Variants in HSF1 observed in about 807,000 individuals in gnomAD.
The protein encoded by HSF1 is heat shock transcription factor 1.
In HSF1, 32 loss-of-function variants were observed where a neutral mutation model predicts 51.7. The ratio of observed to expected loss-of-function variants is 0.62; its 90% confidence interval spans 0.47 to 0.83. The LOEUF is 0.83. Ranked by LOEUF, HSF1 falls within the 40% of genes least tolerant of loss-of-function variation. The pLI, the probability that HSF1 is intolerant of heterozygous loss-of-function variation, is 0.00. For synonymous variants in HSF1, 396 were observed against 309.7 expected (o/e 1.28, Z -2.92); for missense variants, 727 against 717.0 (o/e 1.01, Z -0.16).
In HSF1 at chr8:144,314,362, C is replaced by T. The variant is rs1028797609; in HGVS notation, c.*32C>T. ...CGGAGGAGCTGGGCCAGCCGCCCAC[C>T]CCCACCCCCAGTGCAGGGCTGGTCT... On this transcript the variant is annotated 3_prime_UTR_variant, in exon 13 of 13. Coordinates refer to ENST00000528838, the MANE Select transcript of HSF1 (RefSeq NM_005526.4). The T allele has an allele frequency of 7.2e-6, 11 of 1,525,238 alleles. No homozygotes were observed. The South Asian group carries it at 9.6e-5, about 13-fold the overall frequency. The allele number at this position is 1,525,238 out of a possible 1,614,324, so 94.5% of individuals were successfully genotyped here.
intron 1 of HSF1, among the ~76,000 whole-genome samples, chr8:144,296,924 T>G (rs1588626916): frequency 9.9e-6 from 1 of 100,676 alleles, no homozygotes; most frequent in African/African-American, 3.6e-5. Context: ...CCGGATGGTG[T>G]GGTGGGGGGG....
Position 144,291,830 on chromosome 8 carries a change from C to T in HSF1, c.73C>T (p.Leu25Phe). The change falls in exon 1 of 13, where the codon CTC (leucine) becomes TTC (phenylalanine). Residue 25 changes from leucine (L) to phenylalanine (F), a missense_variant. By Grantham distance (22) the Leu-to-Phe change is conservative (BLOSUM62 0). Coordinates refer to ENST00000528838, the MANE Select transcript of HSF1 (RefSeq NM_005526.4). This position sits in a 1 kb window ranked among gnomAD's most constrained non-coding sequence, Gnocchi z 4.1. Reference sequence around the variant, plus strand: ...GGCCTTCCTGACCAAGCTGTGGACCCTCGTGAGCGACCCGGACACCGACGC... The same window carrying T: ...GGCCTTCCTGACCAAGCTGTGGACCTTCGTGAGCGACCCGGACACCGACGC... ...VPAFLTKLWTLVSDPDTDALI... is the reference protein window; with the variant it reads ...VPAFLTKLWTFVSDPDTDALI... 6.4e-7 allele frequency: 1 copy of T among 1,556,752 alleles called. No homozygotes were observed. Among genetic ancestry groups the T allele is most frequent in the Non-Finnish European group, 8.6e-7 (1 of 1,156,408 alleles).
At position 144,311,783 on chromosome 8, in the gene HSF1, C is replaced by T. The variant is rs1554844651; in HGVS notation, c.807C>T (p.Thr269=). 5.0e-6 allele frequency: 8 copies of T among 1,612,440 alleles called. No individual in the cohort carries two copies. The highest frequency in any genetic ancestry group is 3.3e-5 in the Admixed American group (2 of 59,970). Residue 269 remains threonine, a synonymous_variant, in exon 8 of 13, where the codon ACC becomes ACT. Transcript: ENST00000528838. The part of the protein sequence containing the change: ...ASSGPIISDI[T]ELAPASPMAS... Reference sequence around the variant, plus strand: ...CTGGACCCATCATCTCCGACATCACCGAGCTGGCTCCTGCCAGCCCCATGG... The same window carrying T: ...CTGGACCCATCATCTCCGACATCACTGAGCTGGCTCCTGCCAGCCCCATGG...
intron 1 of HSF1, among the ~76,000 whole-genome samples, chr8:144,305,063 T>G (rs1816124879): frequency 6.6e-6 from 1 of 151,300 alleles, no homozygotes; most frequent in African/African-American, 2.4e-5. Flanking sequence ...TTCTCCTGCC[T>G]CAGCCTCCCG....
At chr8:144,300,444 C>G (rs1404411308) in intron 1 of HSF1, among the ~76,000 whole-genome samples, 1 of 152,066 alleles carries the variant, frequency 6.6e-6, no homozygotes, top group Non-Finnish European at 1.5e-5. Flanking sequence ...GTCTCAATCT[C>G]CTGACCTCGT....
intron 1 of HSF1, among the ~76,000 whole-genome samples, chr8:144,300,500 C>T (rs1441118082): frequency 3.9e-5 from 6 of 152,128 alleles, no homozygotes; most frequent in Non-Finnish European, 8.8e-5. Context: ...CGTCAGCCAC[C>T]GCGCCCGGCC....
chr8:144,296,362 G>A (rs1815457192), intron 1 of HSF1, among the ~76,000 whole-genome samples: 2 of 152,186 alleles, frequency 1.3e-5, no homozygotes, highest in African/African-American at 4.8e-5. Flanking sequence ...GACCCAGCAG[G>A]CCCACTGGCC....
intron 1 of HSF1, among the ~76,000 whole-genome samples, chr8:144,305,555 C>T (rs1816152422): frequency 6.6e-6 from 1 of 152,110 alleles, no homozygotes; most frequent in South Asian, 2.1e-4. Context: ...ACCACCTTGG[C>T]CTCCCAAAGT....
At position 144,311,673 on chromosome 8, in the gene HSF1, G is replaced by C. The variant is rs782707493; in HGVS notation, c.724-27G>C. 148 of 1,610,222 alleles carry C rather than the reference G, an allele frequency of 9.2e-5. 4 individuals are homozygous for C. In the South Asian group the frequency reaches 1.2e-3, roughly 14 times the overall value. On this transcript the variant is annotated intron_variant, in intron 7 of 12. Coordinates refer to ENST00000528838, the MANE Select transcript of HSF1 (RefSeq NM_005526.4). Reference sequence around the variant, plus strand: ...GGGGTGGGTTGCCCCTGCCGGCACTGCATGGACCTCCTGCCTTTGATTGCA... The same window carrying C: ...GGGGTGGGTTGCCCCTGCCGGCACTCCATGGACCTCCTGCCTTTGATTGCA...
chr8:144,312,517 G>A, intron 9 of HSF1: 1 of 1,004,484 alleles, frequency 1.0e-6, no homozygotes, highest in Non-Finnish European at 1.5e-6. Flanking sequence ...CAGGCCACGG[G>A]CCCTGGCAGG....
rs1224638442 is a variant in HSF1, at chr8:144,309,486, G to A, written c.258G>A (p.Gln86=). The part of the protein sequence containing the change: ...YGFRKVVHIE[Q]GGLVKPERDD... ...TCCGGAAAGTGGTCCACATCGAGCAGGGCGGCCTGGTCAAGCCAGAGAGAG... is the reference window on the plus strand; with the variant it reads ...TCCGGAAAGTGGTCCACATCGAGCAAGGCGGCCTGGTCAAGCCAGAGAGAG... Residue 86 remains glutamine, a synonymous_variant, in exon 3 of 13, where the codon CAG becomes CAA. Transcript: ENST00000528838. The A allele has an allele frequency of 6.2e-7, 1 of 1,614,096 alleles. No individual in the cohort carries two copies. The highest frequency in any genetic ancestry group is 1.3e-5 in the African/African-American group (1 of 75,064).
At chr8:144,312,449 C>T (rs1056412007) in intron 9 of HSF1, among the ~76,000 whole-genome samples, 4 of 152,172 alleles carry the variant, frequency 2.6e-5, no homozygotes, top group East Asian at 3.9e-4. Context: ...CGGGCATGTC[C>T]GGACAGGCTG....
chr8:144,311,396 G>A lies in HSF1; in HGVS notation c.626+14G>A. 1.9e-6 allele frequency: 3 copies of A among 1,613,828 alleles called. No individual in the cohort carries two copies. Among genetic ancestry groups the A allele is most frequent in the Non-Finnish European group, 2.5e-6 (3 of 1,179,960 alleles). On this transcript the variant is annotated intron_variant, in intron 6 of 12. Coordinates refer to ENST00000528838, the MANE Select transcript of HSF1 (RefSeq NM_005526.4). ...GAAGAGAAAGATGTGAGGTTTTGGG[G>A]ATGCCTGCATCCACCACCCGGGGCC...
chr8:144,299,425 A>AGAC (rs1815706400), intron 1 of HSF1, among the ~76,000 whole-genome samples: 2 of 144,158 alleles, frequency 1.4e-5, no homozygotes, highest in Non-Finnish European at 3.1e-5. Context: ...CAACAGAGCA[A>AGAC]GACTCCTTCT....
chr8:144,313,625 AGCCCCGCCGCCCCGCCTCCCC>A lies in HSF1; in HGVS notation c.1248+18_1248+38del, dbSNP rs782480278. ...CCAGTGCCCTGCTGGACGTGAGTGG[AGCCCCGCCGCCCCGCCTCCCC>A]GCCCCGCCTCCCCGCCGCGCCGCCC... On this transcript the variant is annotated intron_variant, in intron 10 of 12. Transcript: ENST00000528838. 1.4e-6 allele frequency: 2 copies of A among 1,456,052 alleles called. No individual in the cohort carries two copies. The highest frequency in any genetic ancestry group is 3.4e-5 in the African/African-American group (2 of 59,618). The allele number at this position is 1,456,052 out of a possible 1,614,324, so 90.2% of individuals were successfully genotyped here. A position where few individuals can be genotyped will look rare whatever the true frequency, so the allele number is the denominator to read the frequency against.
At chr8:144,309,047 G>A (rs781810039) in intron 2 of HSF1, 33 bp downstream of exon 2, 22 of 1,501,062 alleles carry the variant, frequency 1.5e-5, no homozygotes, top group South Asian at 1.0e-4. Context: ...GCAGGGGTGC[G>A]GGAGGCAGAC....
chr8:144,314,257 T>G lies in HSF1; in HGVS notation c.1517T>G (p.Phe506Cys), dbSNP rs1554846172. Reference sequence around the variant, plus strand: ...TCCTACTTCTCCGAAGGGGACGGCTTCGCCGAGGACCCCACCATCTCCCTG... The same window carrying G: ...TCCTACTTCTCCGAAGGGGACGGCTGCGCCGAGGACCCCACCATCTCCCTG... The part of the protein sequence containing the change: ...EGSYFSEGDG[F>C]AEDPTISLLT... The change falls in exon 13 of 13, where the codon TTC becomes TGC. Residue 506 changes from phenylalanine to cysteine, a missense_variant. Phe to Cys is a radical substitution (Grantham distance 205). Transcript: ENST00000528838. 6.4e-7 allele frequency: 1 copy of G among 1,550,644 alleles called. No homozygotes were observed.
chr8:144,314,037 A>G lies in HSF1; in HGVS notation c.1367A>G (p.Asn456Ser). ...QEPPRPPEAE[N>S]SSPDSGKQLV... Reference sequence around the variant, plus strand: ...CCCCCCAGGCCTCCCGAGGCAGAGAACAGCAGCCCGGATTCAGGTGAGCCA... The same window carrying G: ...CCCCCCAGGCCTCCCGAGGCAGAGAGCAGCAGCCCGGATTCAGGTGAGCCA... Residue 456 changes from asparagine (N) to serine (S), a missense_variant, in exon 12 of 13, where the codon AAC becomes AGC. Physicochemically the swap from Asn to Ser is conservative, Grantham distance 46. This residue lies in a region of HSF1 where 470 missense variants were observed against 398.8 expected (regional missense o/e 1.18). Transcript: ENST00000528838. 1 of 1,609,970 alleles carries G rather than the reference A, an allele frequency of 6.2e-7. No individual in the cohort carries two copies. The highest frequency in any genetic ancestry group is 8.5e-7 in the Non-Finnish European group (1 of 1,179,048).
chr8:144,312,874 C>G lies in HSF1; in HGVS notation c.1142+630C>G. The G allele has an allele frequency of 1.7e-5, 11 of 641,998 alleles. No individual in the cohort carries two copies. The South Asian group carries it at 2.0e-4, about 12-fold the overall frequency. 39.8% of individuals were successfully genotyped at this position (641,998 alleles called of 1,614,324 possible). A position where few individuals can be genotyped will look rare whatever the true frequency, so the allele number is the denominator to read the frequency against. ...GGGGCTCAGTGTCGTCATGGCTCCC[C>G]TGGCCACGGGCCTGTGGTCATTGCC... On this transcript the variant is annotated intron_variant, in intron 9 of 12. Transcript: ENST00000528838.
Sources: allele counts gnomAD v4.1 joint callset (sites outside exome capture counted in the v4.1 genomes callset), GRCh38; gene constraint gnomAD v4.1.1; regional missense constraint gnomAD v4.1.1; non-coding constraint Gnocchi (gnomAD v3.1); transcripts MANE v1.5; gene names NCBI Gene and HGNC (gene_info 2026-07-23, HGNC 2026-07-21).